Variants in SIAH3 observed in about 807,000 individuals in gnomAD.
SIAH3 encodes siah E3 ubiquitin protein ligase family member 3, also known as seven in absentia homolog 3.
SIAH3 carries 9 observed loss-of-function variants against 12.6 expected under a neutral mutation model. The observed-to-expected ratio is 0.72, with a 90% CI of 0.43 to 1.25. The LOEUF is 1.25. Ranked by LOEUF, SIAH3 falls within the 50% of genes most tolerant of loss-of-function variation. The pLI is 0.00. For missense variants in SIAH3, 390 were observed against 365.4 expected, an observed-to-expected ratio of 1.07 and a Z score of -0.55; for synonymous variants, 154 against 151.1, an observed-to-expected ratio of 1.02 and a Z score of -0.14.
intron 1 of SIAH3, among the ~76,000 whole-genome samples, chr13:45,797,135 T>C (rs1411800515): frequency 7.4e-6 from 1 of 134,558 alleles, no homozygotes; most frequent in East Asian, 1.9e-4. Context: ...ATTCAAATCG[T>C]CTCTATGCAG....
chr13:45,804,248 T>C (rs917181019), intron 1 of SIAH3, among the ~76,000 whole-genome samples: 2 of 152,136 alleles, frequency 1.3e-5, no homozygotes, highest in Admixed American at 6.6e-5. Context: ...TTAATATTAA[T>C]ATATTGTTAT....
intron 1 of SIAH3, among the ~76,000 whole-genome samples, chr13:45,849,374 T>A (rs1950771753): frequency 6.6e-6 from 1 of 152,246 alleles, no homozygotes; most frequent in Non-Finnish European, 1.5e-5. Flanking sequence ...ATTATACAAT[T>A]TCTAAATTGC....
Position 45,778,527 on chromosome 13 carries a change from C to G in SIAH3, c.*4856G>C, listed in dbSNP as rs187028064. On this transcript the variant is annotated 3_prime_UTR_variant, in exon 2 of 2. Transcript: ENST00000400405. ...TCAGAGTCTCTTCTCCAGAAGAGTTCGTGTTTCCCCAACAATTTGCTGTTC... is the reference window on the plus strand; with the variant it reads ...TCAGAGTCTCTTCTCCAGAAGAGTTGGTGTTTCCCCAACAATTTGCTGTTC... The G allele has an allele frequency of 2.6e-5, 4 of 152,202 alleles. No homozygotes were observed. The highest frequency in any genetic ancestry group is 4.4e-5 in the Non-Finnish European group (3 of 68,052). 9.4% of individuals were successfully genotyped at this position (152,202 alleles called of 1,614,324 possible). A position where few individuals can be genotyped will look rare whatever the true frequency, so the allele number is the denominator to read the frequency against.
intron 1 of SIAH3, among the ~76,000 whole-genome samples, chr13:45,825,815 G>A (rs541834815): frequency 1.8e-4 from 27 of 152,160 alleles, no homozygotes; most frequent in East Asian, 3.9e-4. Flanking sequence ...ACATTTCTCC[G>A]TTTTGTAGGA....
intron 1 of SIAH3, among the ~76,000 whole-genome samples, chr13:45,798,723 A>G (rs973962697): frequency 3.9e-5 from 6 of 152,190 alleles, no homozygotes; most frequent in African/African-American, 1.4e-4. Flanking sequence ...CCCTGCAGTC[A>G]CTTCCGGCAG....
In SIAH3 at chr13:45,783,008, C is replaced by T. The variant is rs114610774; in HGVS notation, c.*375G>A. 693 of 154,926 alleles carry T rather than the reference C, an allele frequency of 4.5e-3. 5 individuals are homozygous for T. Among genetic ancestry groups the T allele is most frequent in the African/African-American group, 0.016 (661 of 41,636 alleles). 9.6% of individuals were successfully genotyped at this position (154,926 alleles called of 1,614,324 possible). A position where few individuals can be genotyped will look rare whatever the true frequency, so the allele number is the denominator to read the frequency against. On this transcript the variant is annotated 3_prime_UTR_variant, in exon 2 of 2. Transcript: ENST00000400405. ...AGAGAAACAAGAAATGATTCTCACA[C>T]GAAGCCTCCTTTCAACCCCAACAGT...
At chr13:45,832,410 C>G (rs187783494) in intron 1 of SIAH3, among the ~76,000 whole-genome samples, 8 of 152,270 alleles carry the variant, frequency 5.3e-5, no homozygotes, top group African/African-American at 1.9e-4. Context: ...ATGGACTTGC[C>G]TATTTGAGAA....
At position 45,779,237 on chromosome 13, in the gene SIAH3, T is replaced by G; in HGVS notation, c.*4146A>C. The G allele has an allele frequency of 6.6e-6, 1 of 152,250 alleles. No individual in the cohort carries two copies. The highest frequency in any genetic ancestry group is 1.5e-5 in the Non-Finnish European group (1 of 68,046). 9.4% of individuals were successfully genotyped at this position (152,250 alleles called of 1,614,324 possible). A position where few individuals can be genotyped will look rare whatever the true frequency, so the allele number is the denominator to read the frequency against. On this transcript the variant is annotated 3_prime_UTR_variant, in exon 2 of 2. Coordinates refer to ENST00000400405, the MANE Select transcript of SIAH3 (RefSeq NM_198849.3). ...GAAATAATTAGGAAGTGATGAGTTT[T>G]AAGTACTTTTGACCTTTGCTTTAAA...
intron 1 of SIAH3, among the ~76,000 whole-genome samples, chr13:45,814,310 T>C (rs1253726670): frequency 6.7e-6 from 1 of 150,100 alleles, no homozygotes; most frequent in Admixed American, 6.6e-5. Context: ...TTTTGGAGTA[T>C]AGTCCCCAGG....
In SIAH3 at chr13:45,794,013, G is replaced by T. The variant is rs568433431; in HGVS notation, c.136-9956C>A. The stretch of plus-strand genomic sequence containing the variant: ...TGGAGTGATGTGGCTGCAAGCCAAG[G>T]AACACCTGGACCCACTGGAACTGGA... On this transcript the variant is annotated intron_variant, in intron 1 of 1. Coordinates refer to ENST00000400405, the MANE Select transcript of SIAH3 (RefSeq NM_198849.3). 9.2e-5 allele frequency among the ~76,000 whole-genome samples: 14 copies of T among 152,316 alleles called. No homozygotes were observed. The South Asian group carries it at 2.7e-3, about 29-fold the overall frequency.
chr13:45,833,144 TTTC>T (rs1950705575), intron 1 of SIAH3, among the ~76,000 whole-genome samples: 1 of 152,204 alleles, frequency 6.6e-6, no homozygotes, highest in East Asian at 1.9e-4. Flanking sequence ...TAAGGATTCT[TTTC>T]TTCTCCCCAT....
chr13:45,808,329 C>T lies in SIAH3; in HGVS notation c.136-24272G>A, dbSNP rs932269670. ...TTAGTATCCTAAGACTATTATCCAACTCAGCAAATAAATAGTTCACGTCAC... is the reference window on the plus strand; with the variant it reads ...TTAGTATCCTAAGACTATTATCCAATTCAGCAAATAAATAGTTCACGTCAC... On this transcript the variant is annotated intron_variant, in intron 1 of 1. Coordinates refer to ENST00000400405, the MANE Select transcript of SIAH3 (RefSeq NM_198849.3). Among the ~76,000 whole-genome samples, 14 of 152,218 alleles carry T rather than the reference C, an allele frequency of 9.2e-5. 1 individual carries two copies. Among genetic ancestry groups the T allele is most frequent in the Admixed American group, 9.2e-4 (14 of 15,286 alleles).
At chr13:45,846,802 T>C (rs115869609) in intron 1 of SIAH3, among the ~76,000 whole-genome samples, 2,123 of 152,308 alleles carry the variant, frequency 0.014, 39 homozygotes, top group South Asian at 0.057. Context: ...AGCCGCCAGC[T>C]TCAGCCTCCC....
intron 1 of SIAH3, among the ~76,000 whole-genome samples, chr13:45,851,122 A>G (rs986390857): frequency 1.3e-5 from 2 of 151,402 alleles, no homozygotes; most frequent in African/African-American, 4.9e-5. Context: ...GAATTTGGCT[A>G]ACTTCAAATC....
At chr13:45,850,948 CACA>C (rs1950778696) in intron 1 of SIAH3, among the ~76,000 whole-genome samples, 1 of 151,706 alleles carries the variant, frequency 6.6e-6, no homozygotes, top group African/African-American at 2.4e-5. Context: ...CACACACACA[CACA>C]CACACACACA....
chr13:45,828,198 T>C (rs1372879655), intron 1 of SIAH3, among the ~76,000 whole-genome samples: 2 of 152,198 alleles, frequency 1.3e-5, no homozygotes, highest in Non-Finnish European at 2.9e-5. Flanking sequence ...GTCTGACCTA[T>C]GGGAGTGCTC....
chr13:45,851,480 GAC>G lies in SIAH3; in HGVS notation c.135+13_135+14del, dbSNP rs1057058331. On this transcript the variant is annotated intron_variant, in intron 1 of 1. Transcript: ENST00000400405. ...AACCTGAGCCCGGTGAAGGTAAAAT[GAC>G]ACAGAGACTCACCTTTAGGTTGTGT... 1.2e-5 allele frequency: 20 copies of G among 1,613,732 alleles called. No individual in the cohort carries two copies. The highest frequency in any genetic ancestry group is 1.4e-5 in the Non-Finnish European group (17 of 1,179,908).
chr13:45,792,545 A>G (rs1485704953), intron 1 of SIAH3, among the ~76,000 whole-genome samples: 1 of 151,926 alleles, frequency 6.6e-6, no homozygotes, highest in Non-Finnish European at 1.5e-5. Flanking sequence ...TTTAGTAGAG[A>G]CGGGATTTCA....
chr13:45,804,891 A>C (rs893323634), intron 1 of SIAH3, among the ~76,000 whole-genome samples: 1 of 152,010 alleles, frequency 6.6e-6, no homozygotes, highest in African/African-American at 2.4e-5. Context: ...AAATCAATGT[A>C]CAAAAATTGG....
Sources: allele counts gnomAD v4.1 joint callset (sites outside exome capture counted in the v4.1 genomes callset), GRCh38; gene constraint gnomAD v4.1.1; transcripts MANE v1.5; gene names NCBI Gene and HGNC (gene_info 2026-07-23, HGNC 2026-07-21).